Variants in ADAMTS14 observed in about 807,000 individuals in gnomAD.
The protein encoded by ADAMTS14 is A disintegrin and metalloproteinase with thrombospondin motifs 14.
In ADAMTS14, 100 loss-of-function variants were observed where a neutral mutation model predicts 128.6. That is an observed-to-expected ratio of 0.78 (90% CI 0.66 to 0.92). ADAMTS14 has a LOEUF of 0.92. Among genes scored for constraint, ADAMTS14 ranks in the 40% least tolerant of loss-of-function variants. The pLI, the probability that ADAMTS14 is intolerant of heterozygous loss-of-function variation, is 0.00. For missense variants in ADAMTS14, 1,562 were observed against 1,658.6 expected (o/e 0.94, Z 1.01); for synonymous variants, 665 against 653.8 (o/e 1.02, Z -0.26).
At chr10:70,709,495 G>GTTTTTTTTTTTT (rs746940189) in intron 4 of ADAMTS14, among the ~76,000 whole-genome samples, 6 of 101,840 alleles carry the variant, frequency 5.9e-5, no homozygotes, top group Non-Finnish European at 8.8e-5. Context: ...AACATTTCCA[G>GTTTTTTTTTTTT]TTTTTTTTTT....
At chr10:70,743,987 C>T in intron 13 of ADAMTS14, 79 bp from the exon 14 acceptor site, 3 of 1,513,548 alleles carry the variant, frequency 2.0e-6, no homozygotes, top group Non-Finnish European at 2.7e-6. Flanking sequence ...TGACCAGGGC[C>T]TGGGGATGGG....
intron 19 of ADAMTS14, 135 bp downstream of exon 19, chr10:70,754,142 G>C (rs1842426457): frequency 3.7e-6 from 3 of 808,828 alleles, no homozygotes. Context: ...CCTTAAAGTA[G>C]AATAGCTCCT....
chr10:70,736,639 G>C (rs1215492944), intron 9 of ADAMTS14, 41 bp from the exon 10 acceptor site: 1 of 1,583,698 alleles, frequency 6.3e-7, no homozygotes, highest in Non-Finnish European at 8.6e-7. Flanking sequence ...CTTGGACAAA[G>C]AGCCAGTCCA....
At position 70,758,055 on chromosome 10, in the gene ADAMTS14, G is replaced by C. The variant is rs140089675; in HGVS notation, c.3031G>C (p.Asp1011His). The change falls in exon 20 of 22, where the codon GAC (aspartate) becomes CAC (histidine). Residue 1011 changes from aspartate (D) to histidine (H), a missense_variant. Transcript: ENST00000373207. ...SLGHCEGDRP[D>H]TVQVCSLPAC... ...CGGGCATTGCGAGGGGGATAGGCCA[G>C]ACACTGTCCAGGTCTGCAGCCTGCC... The C allele has an allele frequency of 5.6e-6, 9 of 1,613,712 alleles. No homozygotes were observed. Among genetic ancestry groups the C allele is most frequent in the Non-Finnish European group, 7.6e-6 (9 of 1,179,830 alleles).
At chr10:70,695,161 A>G (rs1476755211) in intron 2 of ADAMTS14, among the ~76,000 whole-genome samples, 2 of 152,048 alleles carry the variant, frequency 1.3e-5, no homozygotes, top group Non-Finnish European at 2.9e-5. Flanking sequence ...TCTTTCTTGG[A>G]GAAACGTCTG....
Position 70,712,581 on chromosome 10 carries a change from T to C in ADAMTS14, c.870+3803T>C, listed in dbSNP as rs140241358. 7.9e-5 allele frequency among the ~76,000 whole-genome samples: 12 copies of C among 152,176 alleles called. No homozygotes were observed. In the East Asian group the frequency reaches 1.5e-3, roughly 20 times the overall value. On this transcript the variant is annotated intron_variant, in intron 4 of 21. Coordinates refer to ENST00000373207, the MANE Select transcript of ADAMTS14 (RefSeq NM_080722.4). Reference sequence around the variant, plus strand: ...AATGAATGTGCAAAAGGAGACAAAATTGATGTTGTGTAGGGTGGGAGGGAA... The same window carrying C: ...AATGAATGTGCAAAAGGAGACAAAACTGATGTTGTGTAGGGTGGGAGGGAA...
intron 4 of ADAMTS14, among the ~76,000 whole-genome samples, chr10:70,728,380 T>C (rs1841511730): frequency 6.6e-6 from 1 of 152,242 alleles, no homozygotes; most frequent in Non-Finnish European, 1.5e-5. Context: ...ATTTTCTTTT[T>C]TTGTAGTTTT....
intron 15 of ADAMTS14, among the ~76,000 whole-genome samples, chr10:70,748,794 C>T (rs1842261893): frequency 6.6e-6 from 1 of 152,214 alleles, no homozygotes; most frequent in South Asian, 2.1e-4. Context: ...CAGGTGGGAG[C>T]TCTGTGGGCC....
In ADAMTS14 at chr10:70,690,821, C is replaced by T. The variant is rs779773849; in HGVS notation, c.523-11491C>T. 3.4e-5 allele frequency among the ~76,000 whole-genome samples: 5 copies of T among 145,050 alleles called. 1 individual carries two copies. Among genetic ancestry groups the T allele is most frequent in the Non-Finnish European group, 7.9e-5 (5 of 63,374 alleles). ...GCCTCCACGCAGGGTGCCGCTCCTC[C>T]GCTCAGGGCCTGGCAGCCACACCGC... is the stretch of plus-strand genomic sequence containing the variant. On this transcript the variant is annotated intron_variant, in intron 2 of 21. Coordinates refer to ENST00000373207, the MANE Select transcript of ADAMTS14 (RefSeq NM_080722.4).
At chr10:70,735,681 T>A (rs1841804684) in intron 9 of ADAMTS14, among the ~76,000 whole-genome samples, 1 of 152,222 alleles carries the variant, frequency 6.6e-6, no homozygotes, top group Non-Finnish European at 1.5e-5. Flanking sequence ...ACTCCCCACC[T>A]TCTGCACCTG....
chr10:70,708,090 G>A (rs970443635), intron 3 of ADAMTS14, among the ~76,000 whole-genome samples: 3 of 152,200 alleles, frequency 2.0e-5, no homozygotes, highest in African/African-American at 7.2e-5. Flanking sequence ...TTCTTGGGTG[G>A]GATTTGAGAG....
chr10:70,716,093 C>G (rs148879027), intron 4 of ADAMTS14, among the ~76,000 whole-genome samples: 2 of 152,342 alleles, frequency 1.3e-5, no homozygotes, highest in East Asian at 3.9e-4. Context: ...GAAGACTGGG[C>G]CCCGAGGGCC....
At chr10:70,735,347 G>A (rs1215062658) in intron 9 of ADAMTS14, 46 bp downstream of exon 9, 8 of 1,601,466 alleles carry the variant, frequency 5.0e-6, no homozygotes, top group African/African-American at 4.0e-5. Flanking sequence ...GGCCAGGGCA[G>A]TGTCCTTCTG....
intron 4 of ADAMTS14, among the ~76,000 whole-genome samples, chr10:70,709,518 T>TTTGGAA (rs1840775470): frequency 7.6e-6 from 1 of 132,306 alleles, no homozygotes; most frequent in African/African-American, 2.6e-5. Context: ...TTTTTTTTTT[T>TTTGGAA]GAGACGGAGT....
In ADAMTS14 at chr10:70,672,721, C is replaced by T; in HGVS notation, c.-82C>T. 4 of 1,379,694 alleles carry T rather than the reference C, an allele frequency of 2.9e-6. No individual in the cohort carries two copies. The South Asian group carries it at 5.0e-5, about 17-fold the overall frequency. The allele number at this position is 1,379,694 out of a possible 1,614,324, so 85.5% of individuals were successfully genotyped here. ...GCAGCCAGCCGGTGCTCCGACAGCC[C>T]GGGGCGCACCCTAGCCTCGCCGCCC... On this transcript the variant is annotated 5_prime_UTR_variant, in exon 1 of 22. Coordinates refer to ENST00000373207, the MANE Select transcript of ADAMTS14 (RefSeq NM_080722.4).
In ADAMTS14 at chr10:70,753,975, C is replaced by A. The variant is rs1272468289; in HGVS notation, c.2905C>A (p.Pro969Thr). ...ACGGCCCTGTCTCCGAGTGCCCTGCCCAGCCCAGTGGAGGCTGGGAGCCTG... is the reference window on the plus strand; with the variant it reads ...ACGGCCCTGTCTCCGAGTGCCCTGCACAGCCCAGTGGAGGCTGGGAGCCTG... ...ARRPCLRVPC[P>T]AQWRLGAWSQ... is the part of the protein sequence containing the mutation. The change falls in exon 19 of 22, where the codon CCA becomes ACA. Residue 969 changes from proline to threonine, a missense_variant. By Grantham distance (38) the Pro-to-Thr change is conservative (BLOSUM62 -1). Transcript: ENST00000373207. 6.3e-7 allele frequency: 1 copy of A among 1,579,274 alleles called. No homozygotes were observed. The highest frequency in any genetic ancestry group is 8.6e-7 in the Non-Finnish European group (1 of 1,164,242).
Position 70,744,060 on chromosome 10 carries a change from C to T in ADAMTS14, c.2059-6C>T, listed in dbSNP as rs777613992. On this transcript the variant is annotated splice_region_variant and splice_polypyrimidine_tract_variant and intron_variant, in intron 13 of 21. Coordinates refer to ENST00000373207, the MANE Select transcript of ADAMTS14 (RefSeq NM_080722.4). The stretch of plus-strand genomic sequence containing the variant: ...CTCCTCCCACTGACCTCACCTCTGG[C>T]CTCAGCCTGTCGGCTGTGACAAGGA... The T allele has an allele frequency of 1.3e-5, 20 of 1,559,544 alleles. No homozygotes were observed. The South Asian group carries it at 2.0e-4, about 16-fold the overall frequency.
chr10:70,739,584 C>G (rs1352648583), intron 11 of ADAMTS14, among the ~76,000 whole-genome samples: 1 of 151,980 alleles, frequency 6.6e-6, no homozygotes, highest in African/African-American at 2.4e-5. Flanking sequence ...CAGAGGCAGC[C>G]TGTTTAGAAC....
intron 4 of ADAMTS14, among the ~76,000 whole-genome samples, chr10:70,723,405 C>A (rs933719868): frequency 1.1e-4 from 16 of 152,132 alleles, no homozygotes; most frequent in Admixed American, 3.9e-4. Flanking sequence ...AACAGCATGT[C>A]AGTATTGGTT....
Sources: allele counts gnomAD v4.1 joint callset (sites outside exome capture counted in the v4.1 genomes callset), GRCh38; gene constraint gnomAD v4.1.1; transcripts MANE v1.5; gene names NCBI Gene and HGNC (gene_info 2026-07-23, HGNC 2026-07-21).